Variants in MYO1F observed in about 807,000 individuals in gnomAD.
The protein encoded by MYO1F is myosin IF, also known as unconventional myosin-If.
Under a neutral mutation model 146.6 loss-of-function variants are expected in MYO1F, and 60 were observed. The observed-to-expected ratio is 0.41, with a 90% confidence interval of 0.33 to 0.51. The LOEUF is 0.51. Among genes scored for constraint, MYO1F ranks in the 20% least tolerant of loss-of-function variants. The pLI, the probability that MYO1F is intolerant of heterozygous loss-of-function variation, is 0.25. For synonymous variants in MYO1F, 602 were observed against 602.1 expected, an observed-to-expected ratio of 1.00 and a Z score of 0.00; for missense variants, 1,274 against 1,534.3, an observed-to-expected ratio of 0.83 and a Z score of 2.83.
At chr19:8,525,212 A>C in intron 25 of MYO1F, 2 of 319,900 alleles carry the variant, frequency 6.3e-6, no homozygotes, top group East Asian at 1.1e-4. Flanking sequence ...AAAAAAAAAA[A>C]AAAAAAAAAA....
At chr19:8,548,945 G>A (rs1040731221) in intron 10 of MYO1F, among the ~76,000 whole-genome samples, 1 of 149,860 alleles carries the variant, frequency 6.7e-6, no homozygotes, top group African/African-American at 2.5e-5. Flanking sequence ...ACCTTATGGG[G>A]CTTTTTCTTT....
chr19:8,525,608 C>T (rs771223190), intron 24 of MYO1F, 46 bp from the exon 25 acceptor site: 1 of 1,521,082 alleles, frequency 6.6e-7, no homozygotes, highest in South Asian at 1.1e-5. Flanking sequence ...AGACCACGCT[C>T]TTTGCCCCGC....
rs1191447239 is a variant in MYO1F, at chr19:8,543,675, C to CTGGTGGTGG, written c.1524+613_1524+621dup. Among the ~76,000 whole-genome samples the CTGGTGGTGG allele has an allele frequency of 3.9e-4, 14 of 36,196 alleles. 1 individual carries two copies. Among genetic ancestry groups the CTGGTGGTGG allele is most frequent in the African/African-American group, 1.5e-3 (12 of 7,818 alleles). 23.7% of individuals were successfully genotyped at this position (36,196 alleles called of 152,430 possible). ...GGTGCTGGTGGTGGTGGTGGTGGTGCTGGTGGTGGTGGTGGTGGTGGTGGT... is the reference window on the plus strand; with the variant it reads ...GGTGCTGGTGGTGGTGGTGGTGGTGCTGGTGGTGGTGGTGGTGGTGGTGGTGGTGGTGGT... On this transcript the variant is annotated intron_variant, in intron 14 of 27. Coordinates refer to ENST00000644032, the MANE Select transcript of MYO1F (RefSeq NM_012335.4).
chr19:8,534,454 C>T (rs541714659), intron 19 of MYO1F, among the ~76,000 whole-genome samples: 2 of 150,978 alleles, frequency 1.3e-5, no homozygotes, highest in African/African-American at 2.4e-5. Context: ...ATTACAGGCA[C>T]GTGTCACCAT....
chr19:8,555,263 G>A (rs946509254), intron 2 of MYO1F: 1 of 277,174 alleles, frequency 3.6e-6, no homozygotes, highest in Non-Finnish European at 7.0e-6. Flanking sequence ...CCAGCTACTT[G>A]GGAGGCTGAG....
chr19:8,551,821 C>T lies in MYO1F; in HGVS notation c.690G>A (p.Pro230=), dbSNP rs201876554. 5.2e-4 allele frequency: 834 copies of T among 1,614,106 alleles called. 2 individuals carry two copies. In the Middle Eastern group the frequency reaches 5.6e-3, roughly 11 times the overall value. ...EQRQNLGLMT[P]DYYYYLNQSD... ...ATTGGTTGAGGTAGTAATAGTAGTC[C>T]GGTGTCATGAGGCCCAGGTTCTGCC... Residue 230 remains proline (P), a synonymous_variant, in exon 8 of 28, where the codon CCG becomes CCA. Coordinates refer to ENST00000644032, the MANE Select transcript of MYO1F (RefSeq NM_012335.4).
intron 15 of MYO1F, 24 bp downstream of exon 15, chr19:8,541,882 G>T (rs1257165063): frequency 6.2e-7 from 1 of 1,604,400 alleles, no homozygotes; most frequent in Non-Finnish European, 8.5e-7. Context: ...GTAGCCGGAG[G>T]TCCCCATGCC....
chr19:8,575,653 C>T (rs1473924732), intron 1 of MYO1F, among the ~76,000 whole-genome samples: 6 of 152,064 alleles, frequency 3.9e-5, no homozygotes, highest in Admixed American at 1.3e-4. Context: ...AATCCTTCAG[C>T]GATCTTCCTG....
chr19:8,574,654 CTCTT>C (rs1386797347), intron 1 of MYO1F, among the ~76,000 whole-genome samples: 3 of 49,902 alleles, frequency 6.0e-5, no homozygotes, highest in Admixed American at 3.0e-4. Context: ...TCCTTTCTTT[CTCTT>C]TCTTCTTTCT....
intron 19 of MYO1F, among the ~76,000 whole-genome samples, chr19:8,535,936 C>A (rs1376169846): frequency 6.6e-6 from 1 of 152,162 alleles, no homozygotes; most frequent in African/African-American, 2.4e-5. Context: ...CCTCCTCAGC[C>A]TCCCAAAGTG....
At chr19:8,547,327 G>A (rs866437279) in intron 12 of MYO1F, among the ~76,000 whole-genome samples, 52 of 136,834 alleles carry the variant, frequency 3.8e-4, no homozygotes, top group Non-Finnish European at 6.2e-4. Flanking sequence ...AAAAAAAAGC[G>A]GGGAATGGTG....
chr19:8,542,778 T>A (rs1973036975), intron 14 of MYO1F, among the ~76,000 whole-genome samples: 1 of 151,600 alleles, frequency 6.6e-6, no homozygotes, highest in South Asian at 2.1e-4. Context: ...TTTTTTTTTT[T>A]ATTTTTAATA....
intron 25 of MYO1F, 125 bp downstream of exon 25, chr19:8,525,354 G>A: frequency 4.9e-6 from 4 of 819,660 alleles, no homozygotes; most frequent in South Asian, 4.6e-5. Context: ...GTGGAGCTAC[G>A]GAGAGTCCTG....
chr19:8,521,281 C>T lies in MYO1F; in HGVS notation c.*247G>A, dbSNP rs1474420514. 2 of 561,068 alleles carry T rather than the reference C, an allele frequency of 3.6e-6. No individual in the cohort carries two copies. Among genetic ancestry groups the T allele is most frequent in the Admixed American group, 2.9e-5 (1 of 34,258 alleles). 34.8% of individuals were successfully genotyped at this position (561,068 alleles called of 1,614,324 possible). ...GGAGGTAGATTCTGCTGTTAGTCCC[C>T]TTTGACACACACAGAAATGGAGAAT... On this transcript the variant is annotated 3_prime_UTR_variant, in exon 28 of 28. Coordinates refer to ENST00000644032, the MANE Select transcript of MYO1F (RefSeq NM_012335.4).
At chr19:8,544,590 G>A in intron 13 of MYO1F, 126 bp from the exon 14 acceptor site, 1 of 933,304 alleles carries the variant, frequency 1.1e-6, no homozygotes, top group Non-Finnish European at 1.6e-6. Flanking sequence ...TTTGGGGGTG[G>A]GGAGGGCACC....
At chr19:8,572,269 A>ATT (rs35723384) in intron 1 of MYO1F, among the ~76,000 whole-genome samples, 15 of 150,528 alleles carry the variant, frequency 1.0e-4, no homozygotes, top group Admixed American at 2.7e-4. Flanking sequence ...AATTATGGGC[A>ATT]TTTTTTTTTC....
Position 8,521,182 on chromosome 19 carries a change from CCCT to C in MYO1F, c.*343_*345del. On this transcript the variant is annotated 3_prime_UTR_variant, in exon 28 of 28. Transcript: ENST00000644032. ...AAAGTCACGCTTGTTAAGGACCCCCCCCTCCCCAACTGTGCCTGGCACTTTGCC... is the reference window on the plus strand; with the variant it reads ...AAAGTCACGCTTGTTAAGGACCCCCCCCCCAACTGTGCCTGGCACTTTGCC... 2 of 383,478 alleles carry C rather than the reference CCCT, an allele frequency of 5.2e-6. No homozygotes were observed. Among genetic ancestry groups the C allele is most frequent in the Non-Finnish European group, 1.0e-5 (2 of 200,710 alleles). 23.8% of individuals were successfully genotyped at this position (383,478 alleles called of 1,614,324 possible).
rs947972202 is a variant in MYO1F at position 8,524,779 on chromosome 19, T to G, written c.2854+700A>C. Reference sequence around the variant, plus strand: ...TCCTCCTATCCTCTGTAGGAGAGCTTCTGTGGGTACGTCTTGGTGGATAAA... The same window carrying G: ...TCCTCCTATCCTCTGTAGGAGAGCTGCTGTGGGTACGTCTTGGTGGATAAA... On this transcript the variant is annotated intron_variant, in intron 25 of 27. Coordinates refer to ENST00000644032, the MANE Select transcript of MYO1F (RefSeq NM_012335.4). 3.2e-4 allele frequency among the ~76,000 whole-genome samples: 48 copies of G among 152,152 alleles called. 1 individual carries two copies. The highest frequency in any genetic ancestry group is 9.9e-4 in the African/African-American group (41 of 41,524).
intron 4 of MYO1F, 141 bp downstream of exon 4, chr19:8,554,336 G>A: frequency 1.3e-6 from 1 of 790,068 alleles, no homozygotes; most frequent in Admixed American, 1.7e-5. Flanking sequence ...TGGTGACAAG[G>A]AAAATAAAAC....
Sources: gnomAD v4.1 joint callset for allele counts (sites outside exome capture counted in the v4.1 genomes callset) on GRCh38, gnomAD v4.1.1 for gene constraint, MANE v1.5 for transcripts, NCBI Gene and HGNC (gene_info 2026-07-23, HGNC 2026-07-21) for gene names.